COL14A1: variants seen among roughly 807,000 people sequenced by gnomAD.
The protein encoded by COL14A1 is collagen type XIV alpha 1 chain.
In COL14A1, 136 loss-of-function variants were observed where a neutral mutation model predicts 230.3. That is an observed-to-expected ratio of 0.59 (90% CI 0.51 to 0.68). The LOEUF is 0.68. Ranked by LOEUF, COL14A1 falls within the 30% of genes least tolerant of loss-of-function variation. The pLI, the probability that COL14A1 is intolerant of heterozygous loss-of-function variation, is 0.00. For missense variants in COL14A1, 1,976 were observed against 2,215.8 expected (o/e 0.89, Z 2.17); for synonymous variants, 792 against 784.1 (o/e 1.01, Z -0.17).
chr8:120,224,640 C>A (rs1818037901), intron 14 of COL14A1, among the ~76,000 whole-genome samples: 1 of 152,164 alleles, frequency 6.6e-6, no homozygotes, highest in African/African-American at 2.4e-5. Flanking sequence ...AGGAATGTTT[C>A]AAATATTTAC....
chr8:120,249,245 G>T (rs771136086), intron 21 of COL14A1, among the ~76,000 whole-genome samples: 2 of 151,876 alleles, frequency 1.3e-5, no homozygotes, highest in African/African-American at 4.8e-5. Flanking sequence ...CTGAGATATG[G>T]TTCTCGCCCC....
At chr8:120,227,453 C>T (rs1818134237) in intron 17 of COL14A1, 101 bp downstream of exon 17, 2 of 1,422,498 alleles carry the variant, frequency 1.4e-6, no homozygotes, top group African/African-American at 2.9e-5. Context: ...GCTATGTAAG[C>T]TTCAATTTCT....
chr8:120,211,274 G>A (rs1463719131), intron 12 of COL14A1, among the ~76,000 whole-genome samples: 8 of 151,924 alleles, frequency 5.3e-5, no homozygotes, highest in South Asian at 2.1e-4. Context: ...GGAAAATAGT[G>A]GTATATTTAT....
chr8:120,305,040 A>T (rs1037125510), intron 36 of COL14A1, among the ~76,000 whole-genome samples: 1 of 150,236 alleles, frequency 6.7e-6, no homozygotes, highest in Non-Finnish European at 1.5e-5. Context: ...GTGCAATGGC[A>T]CAATCTCGGC....
At chr8:120,251,945 C>G (rs1313949135) in intron 22 of COL14A1, among the ~76,000 whole-genome samples, 1 of 151,304 alleles carries the variant, frequency 6.6e-6, no homozygotes, top group African/African-American at 2.4e-5. Flanking sequence ...TTGCTATAAA[C>G]CCCTTAAGAT....
chr8:120,205,913 A>G (rs895387682), intron 9 of COL14A1, among the ~76,000 whole-genome samples: 3 of 152,186 alleles, frequency 2.0e-5, no homozygotes, highest in Non-Finnish European at 4.4e-5. Context: ...TAATTTACAT[A>G]TTGTATTCCC....
chr8:120,350,499 G>C (rs1289348065), intron 45 of COL14A1, among the ~76,000 whole-genome samples: 1 of 150,146 alleles, frequency 6.7e-6, no homozygotes, highest in Admixed American at 6.6e-5. Flanking sequence ...CCCATCTCAC[G>C]TGCAGAGACA....
chr8:120,153,882 T>C (rs1815374588), intron 2 of COL14A1, among the ~76,000 whole-genome samples: 2 of 152,206 alleles, frequency 1.3e-5, no homozygotes, highest in African/African-American at 2.4e-5. Flanking sequence ...CTGGAGTTAT[T>C]TTCCATCCTT....
At chr8:120,156,587 C>T (rs1234763805) in intron 2 of COL14A1, among the ~76,000 whole-genome samples, 2 of 152,050 alleles carry the variant, frequency 1.3e-5, no homozygotes, top group Non-Finnish European at 2.9e-5. Context: ...ACCTTGGTTC[C>T]TTTATCTATA....
intron 24 of COL14A1, among the ~76,000 whole-genome samples, chr8:120,265,928 T>C (rs1819488989): frequency 1.3e-5 from 2 of 152,090 alleles, no homozygotes; most frequent in African/African-American, 4.8e-5. Context: ...TCAGTCTGCC[T>C]GAGCTCAAAT....
chr8:120,137,435 T>G (rs547360659), intron 1 of COL14A1, among the ~76,000 whole-genome samples: 272 of 152,214 alleles, frequency 1.8e-3, no homozygotes, highest in African/African-American at 6.3e-3. Context: ...TAATTTCTAC[T>G]AATGTTTTCT....
intron 42 of COL14A1, among the ~76,000 whole-genome samples, chr8:120,334,245 G>C (rs1821974115): frequency 6.6e-6 from 1 of 152,044 alleles, no homozygotes; most frequent in South Asian, 2.1e-4. Flanking sequence ...GCATATGTAG[G>C]TACACAAACC....
At chr8:120,166,914 G>GTGTGTGTGTGTGTGTGTA (rs1563646716) in intron 4 of COL14A1, among the ~76,000 whole-genome samples, 2 of 149,132 alleles carry the variant, frequency 1.3e-5, no homozygotes, top group Non-Finnish European at 3.0e-5. Flanking sequence ...GTGTGTGTGT[G>GTGTGTGTGTGTGTGTGTA]TGTGTGTGGT....
At chr8:120,369,588 T>C in intron 47 of COL14A1, 103 bp downstream of exon 47, 1 of 1,164,834 alleles carries the variant, frequency 8.6e-7, no homozygotes, top group East Asian at 2.8e-5. Flanking sequence ...AAATTGGTTA[T>C]GAATGGGAAG....
intron 18 of COL14A1, among the ~76,000 whole-genome samples, chr8:120,230,982 G>A (rs977030575): frequency 3.3e-5 from 5 of 152,154 alleles, no homozygotes; most frequent in Non-Finnish European, 5.9e-5. Flanking sequence ...CAGCCTGAGC[G>A]CAGATTTGTG....
At chr8:120,369,237 C>T in intron 46 of COL14A1, 93 bp from the exon 47 acceptor site, 1 of 1,340,258 alleles carries the variant, frequency 7.5e-7, no homozygotes, top group Non-Finnish European at 9.8e-7. Context: ...CTAAAAGTTG[C>T]TTCTTCTAAG....
At chr8:120,178,301 C>G (rs1816351887) in intron 5 of COL14A1, among the ~76,000 whole-genome samples, 1 of 152,108 alleles carries the variant, frequency 6.6e-6, no homozygotes, top group African/African-American at 2.4e-5. Context: ...TGTTCAACTC[C>G]CACTTATGAG....
At chr8:120,197,730 G>A (rs189630678) in intron 6 of COL14A1, 81 bp from the exon 7 acceptor site, 27 of 1,481,140 alleles carry the variant, frequency 1.8e-5, no homozygotes, top group Admixed American at 1.0e-4. Flanking sequence ...GAGGCCTTTC[G>A]TCATTCCAGT....
At chr8:120,303,348 C>T (rs960024444) in intron 36 of COL14A1, among the ~76,000 whole-genome samples, 10 of 152,032 alleles carry the variant, frequency 6.6e-5, no homozygotes, top group African/African-American at 2.4e-4. Context: ...CAGCTTTTGC[C>T]CATTCAGTAT....
Sources: allele counts gnomAD v4.1 joint callset (sites outside exome capture counted in the v4.1 genomes callset), GRCh38; gene constraint gnomAD v4.1.1; transcripts MANE v1.5; gene names NCBI Gene and HGNC (gene_info 2026-07-23, HGNC 2026-07-21).